EYS: variants seen among roughly 807,000 people sequenced by gnomAD.
The protein encoded by EYS is EGF-like photoreceptor maintenance factor.
In EYS, 250 loss-of-function variants were observed where a neutral mutation model predicts 282.1. The observed-to-expected ratio is 0.89, with a 90% confidence interval of 0.80 to 0.98. The LOEUF (loss-of-function observed/expected upper bound fraction) is 0.98. EYS is among the 50% of genes least tolerant of loss of function. The pLI is 0.00. For missense variants in EYS, 4,016 were observed against 3,709.0 expected, an observed-to-expected ratio of 1.08 and a Z score of -2.15; for synonymous variants, 1,355 against 1,282.9, an observed-to-expected ratio of 1.06 and a Z score of -1.20.
At chr6:65,292,486 C>T (rs1292893898) in intron 12 of EYS, among the ~76,000 whole-genome samples, 2 of 151,636 alleles carry the variant, frequency 1.3e-5, no homozygotes, top group African/African-American at 4.8e-5. Flanking sequence ...CTAATGTGGA[C>T]GAGATAGTCT....
chr6:65,501,406 AAC>A (rs1766444972), intron 2 of EYS, among the ~76,000 whole-genome samples: 1 of 151,910 alleles, frequency 6.6e-6, no homozygotes, highest in African/African-American at 2.4e-5. Flanking sequence ...CCTATCTCTT[AAC>A]AGAGATAATA....
intron 22 of EYS, among the ~76,000 whole-genome samples, chr6:64,775,121 C>A (rs1278482822): frequency 6.6e-6 from 1 of 151,994 alleles, no homozygotes; most frequent in East Asian, 1.9e-4. Context: ...TGCTGAAAAC[C>A]TTACGACTGT....
At chr6:65,321,240 T>C (rs1446284541) in intron 11 of EYS, among the ~76,000 whole-genome samples, 1 of 152,028 alleles carries the variant, frequency 6.6e-6, no homozygotes, top group African/African-American at 2.4e-5. Flanking sequence ...TCTTGTTTCA[T>C]TGGAAGGCCT....
intron 36 of EYS, among the ~76,000 whole-genome samples, chr6:63,815,656 T>C (rs1572115): frequency 0.082 from 12,413 of 152,178 alleles, 566 homozygotes; most frequent in East Asian, 0.16. Context: ...TATACCAATA[T>C]ACCAATGAAT....
chr6:64,173,620 A>G (rs944785002), intron 31 of EYS, among the ~76,000 whole-genome samples: 3 of 152,196 alleles, frequency 2.0e-5, no homozygotes, highest in African/African-American at 7.2e-5. Flanking sequence ...TTTTAGTGGT[A>G]CTACCAACAA....
At chr6:65,549,892 T>C (rs529295807) in intron 2 of EYS, among the ~76,000 whole-genome samples, 6 of 152,272 alleles carry the variant, frequency 3.9e-5, no homozygotes, top group Admixed American at 3.3e-4. Flanking sequence ...GTCAGGGAGA[T>C]CGATGTTCCA....
At chr6:65,434,025 G>A (rs1279378375) in intron 5 of EYS, among the ~76,000 whole-genome samples, 1 of 152,130 alleles carries the variant, frequency 6.6e-6, no homozygotes, top group Non-Finnish European at 1.5e-5. Flanking sequence ...CAGAAATACA[G>A]CTGACCTCAT....
At chr6:65,024,119 T>C (rs1265936663) in intron 13 of EYS, among the ~76,000 whole-genome samples, 1 of 152,116 alleles carries the variant, frequency 6.6e-6, no homozygotes, top group Non-Finnish European at 1.5e-5. Context: ...AAAATAGTAA[T>C]TCATGTAAAT....
chr6:65,142,092 A>G (rs1311494967), intron 12 of EYS, among the ~76,000 whole-genome samples: 2 of 152,034 alleles, frequency 1.3e-5, no homozygotes, highest in Non-Finnish European at 2.9e-5. Context: ...TTCATTGTAC[A>G]TATTTGCTAC....
chr6:64,712,492 A>G (rs546208010), intron 22 of EYS, among the ~76,000 whole-genome samples: 42 of 152,342 alleles, frequency 2.8e-4, no homozygotes, highest in Non-Finnish European at 4.7e-4. Context: ...ATGTTCAGCA[A>G]CGAATTAGGA....
In EYS at chr6:64,344,644, G is replaced by A. The variant is rs574701225; in HGVS notation, c.6079-37562C>T. On this transcript the variant is annotated intron_variant, in intron 29 of 42. Transcript: ENST00000503581. ...TTCTTTTTGAAAACTGGCACAAGACGGGGATGCCCTCTCTCACCACTCCTA... is the reference window on the plus strand; with the variant it reads ...TTCTTTTTGAAAACTGGCACAAGACAGGGATGCCCTCTCTCACCACTCCTA... Among the ~76,000 whole-genome samples, 17 of 152,092 alleles carry A rather than the reference G, an allele frequency of 1.1e-4. No homozygotes were observed. In the East Asian group the frequency reaches 1.2e-3, roughly 10 times the overall value.
intron 31 of EYS, among the ~76,000 whole-genome samples, chr6:64,095,698 C>A (rs1445801017): frequency 6.6e-6 from 1 of 152,134 alleles, no homozygotes; most frequent in Non-Finnish European, 1.5e-5. Context: ...TGGGTCTTGA[C>A]TCTTTATCCA....
chr6:65,087,687 T>G (rs1489150469), intron 12 of EYS, among the ~76,000 whole-genome samples: 1 of 152,164 alleles, frequency 6.6e-6, no homozygotes, highest in Non-Finnish European at 1.5e-5. Context: ...GTCTATTAAG[T>G]GAGTACTAGG....
chr6:64,228,093 C>A (rs1378945200), intron 31 of EYS, among the ~76,000 whole-genome samples: 1 of 152,004 alleles, frequency 6.6e-6, no homozygotes, highest in Non-Finnish European at 1.5e-5. Context: ...AATTACAGAC[C>A]TTAGGCAGTA....
chr6:64,657,449 T>C (rs1583005528), intron 22 of EYS, among the ~76,000 whole-genome samples: 1 of 152,032 alleles, frequency 6.6e-6, no homozygotes, highest in African/African-American at 2.4e-5. Flanking sequence ...CTTCCTAGCA[T>C]TGATGGTCTT....
chr6:64,875,344 T>G (rs1290337749), intron 19 of EYS, among the ~76,000 whole-genome samples: 6 of 152,080 alleles, frequency 3.9e-5, no homozygotes, highest in South Asian at 2.1e-4. Context: ...TGGGAATTAT[T>G]GAGCTTTTGT....
chr6:64,338,305 A>G (rs753404483), intron 29 of EYS, among the ~76,000 whole-genome samples: 4 of 152,048 alleles, frequency 2.6e-5, no homozygotes, highest in Non-Finnish European at 5.9e-5. Flanking sequence ...ATTAGTTTAC[A>G]CAAATCAGTA....
chr6:63,902,095 G>T (rs981701267), intron 35 of EYS, among the ~76,000 whole-genome samples: 1 of 151,898 alleles, frequency 6.6e-6, no homozygotes, highest in African/African-American at 2.4e-5. Flanking sequence ...GGTTTCACCA[G>T]GTTGGCCAGG....
chr6:64,475,047 TTC>T (rs1234214255), intron 26 of EYS, among the ~76,000 whole-genome samples: 8 of 152,194 alleles, frequency 5.3e-5, no homozygotes, highest in Non-Finnish European at 1.0e-4. Flanking sequence ...ACAAATATCT[TTC>T]TGTTTTATTT....
Sources: allele counts gnomAD v4.1 joint callset (sites outside exome capture counted in the v4.1 genomes callset), GRCh38; gene constraint gnomAD v4.1.1; transcripts MANE v1.5; gene names NCBI Gene and HGNC (gene_info 2026-07-23, HGNC 2026-07-21).